The following C18orf32 variants were observed in gnomAD, a reference collection of about 807,000 sequenced individuals.
C18orf32 encodes the protein chromosome 18 open reading frame 32.
C18orf32 carries 5 observed loss-of-function variants against 7.4 expected under a neutral mutation model. That is an observed-to-expected ratio of 0.68 (90% CI 0.35 to 1.42). The LOEUF (loss-of-function observed/expected upper bound fraction) is 1.42, where lower values mean the gene tolerates loss of function less well. Ranked by LOEUF, C18orf32 falls within the 40% of genes most tolerant of loss-of-function variation. The pLI is 0.04. For synonymous variants in C18orf32, 30 were observed against 29.3 expected (o/e 1.02, Z -0.08); for missense variants, 88 against 92.4 (o/e 0.95, Z 0.19).
rs984851061 is a variant in C18orf32 at position 49,482,190 on chromosome 18, G to C, written c.*155C>G. The C allele has an allele frequency of 1.6e-6, 1 of 639,760 alleles. No homozygotes were observed. Among genetic ancestry groups the C allele is most frequent in the African/African-American group, 1.8e-5 (1 of 54,150 alleles). The allele number at this position is 639,760 out of a possible 1,614,324, so 39.6% of individuals were successfully genotyped here. ...ATATAACTAACTACATTTTAAATAC[G>C]GATATCATATATTTCCTGATTAGTA... On this transcript the variant is annotated 3_prime_UTR_variant, in exon 3 of 3. Coordinates refer to ENST00000318240, the MANE Select transcript of C18orf32 (RefSeq NM_001035005.4).
chr18:49,482,322 T>C lies in C18orf32; in HGVS notation c.*23A>G, dbSNP rs889444901. On this transcript the variant is annotated 3_prime_UTR_variant, in exon 3 of 3. Coordinates refer to ENST00000318240, the MANE Select transcript of C18orf32 (RefSeq NM_001035005.4). ...ATTATCAGGTCCATTTTTTAAATGA[T>C]GGGGTCCTTTAGGAAAATTTCTTTA... 6.4e-6 allele frequency: 10 copies of C among 1,567,268 alleles called. No homozygotes were observed. Among genetic ancestry groups the C allele is most frequent in the Middle Eastern group, 1.7e-4 (1 of 6,018 alleles).
At chr18:49,484,136 G>GAAAAAA (rs61290557) in intron 1 of C18orf32, among the ~76,000 whole-genome samples, 112 of 45,564 alleles carry the variant, frequency 2.5e-3, no homozygotes, top group Admixed American at 5.8e-3. Context: ...CTCAAAAAAA[G>GAAAAAA]AAAAAAAAAA....
intron 2 of C18orf32, among the ~76,000 whole-genome samples, chr18:49,482,631 G>A (rs550409180): frequency 5.9e-5 from 9 of 151,754 alleles, no homozygotes; most frequent in Admixed American, 1.3e-4. Context: ...GGAGGCTGAG[G>A]CAGGAGAATC....
At position 49,479,050 on chromosome 18, in the gene C18orf32, TGCTAGTATGAAAACAAC is replaced by T. The variant is rs2083639946; in HGVS notation, c.*3278_*3294del. ...CACCCCTATCCTGCTTTTAAAATGT[TGCTAGTATGAAAACAAC>T]GACTGGGAACCAGTGTTCTAGAGAG... On this transcript the variant is annotated 3_prime_UTR_variant, in exon 3 of 3. Coordinates refer to ENST00000318240, the MANE Select transcript of C18orf32 (RefSeq NM_001035005.4). 1 of 152,152 alleles carries T rather than the reference TGCTAGTATGAAAACAAC, an allele frequency of 6.6e-6. No individual in the cohort carries two copies. The highest frequency in any genetic ancestry group is 2.4e-5 in the African/African-American group (1 of 41,430). 9.4% of individuals were successfully genotyped at this position (152,152 alleles called of 1,614,324 possible).
chr18:49,484,201 C>CACACACACACAT (rs56983810), intron 1 of C18orf32, among the ~76,000 whole-genome samples: 3 of 117,834 alleles, frequency 2.5e-5, no homozygotes, highest in Admixed American at 9.6e-5. Context: ...CACACACACA[C>CACACACACACAT]GAAAGGACTA....
chr18:49,480,360 T>C lies in C18orf32; in HGVS notation c.*1985A>G, dbSNP rs892345232. On this transcript the variant is annotated 3_prime_UTR_variant, in exon 3 of 3. Coordinates refer to ENST00000318240, the MANE Select transcript of C18orf32 (RefSeq NM_001035005.4). ...TATTTTTATATTTTTATAATTTATTTATAAATATGGAGATAAATTTAAAAA... is the reference window on the plus strand; with the variant it reads ...TATTTTTATATTTTTATAATTTATTCATAAATATGGAGATAAATTTAAAAA... 4.0e-5 allele frequency: 6 copies of C among 151,806 alleles called. No individual in the cohort carries two copies. The highest frequency in any genetic ancestry group is 2.1e-4 in the South Asian group (1 of 4,814). The allele number at this position is 151,806 out of a possible 1,614,324, so 9.4% of individuals were successfully genotyped here.
At chr18:49,483,799 AG>A in intron 1 of C18orf32, 28 bp from the exon 2 acceptor site, 1 of 1,579,176 alleles carries the variant, frequency 6.3e-7, no homozygotes, top group Non-Finnish European at 8.5e-7. Flanking sequence ...GAAAAAAATT[AG>A]TTCATCACAG....
Position 49,484,256 on chromosome 18 carries a change from TA to T in C18orf32, c.-23-486del, listed in dbSNP as rs1164450400. On this transcript the variant is annotated intron_variant, in intron 1 of 2. Transcript: ENST00000318240. ...ACTTAAAACATACTATTATATTTGC[TA>T]AAAAAAAAAGACTTTATTAAATAAA... 5.5e-3 allele frequency among the ~76,000 whole-genome samples: 780 copies of T among 142,188 alleles called. 3 individuals are homozygous for T. The highest frequency in any genetic ancestry group is 7.4e-3 in the Non-Finnish European group (479 of 64,880). The allele number at this position is 142,188 out of a possible 152,430, so 93.3% of individuals were successfully genotyped here. A position where few individuals can be genotyped will look rare whatever the true frequency, so the allele number is the denominator to read the frequency against.
In C18orf32 at chr18:49,480,506, C is replaced by T. The variant is rs900313530; in HGVS notation, c.*1839G>A. The T allele has an allele frequency of 2.0e-5, 3 of 151,794 alleles. No homozygotes were observed. Among genetic ancestry groups the T allele is most frequent in the African/African-American group, 7.3e-5 (3 of 41,284 alleles). 9.4% of individuals were successfully genotyped at this position (151,794 alleles called of 1,614,324 possible). On this transcript the variant is annotated 3_prime_UTR_variant, in exon 3 of 3. Coordinates refer to ENST00000318240, the MANE Select transcript of C18orf32 (RefSeq NM_001035005.4). ...GGCCAGGTGCAGTAGTAGCTCATGCCTGTAATCCCAGCACTTTGGGAAGCC... is the reference window on the plus strand; with the variant it reads ...GGCCAGGTGCAGTAGTAGCTCATGCTTGTAATCCCAGCACTTTGGGAAGCC...
At chr18:49,484,745 T>G (rs777993659) in intron 1 of C18orf32, 1 of 152,174 alleles carries the variant, frequency 6.6e-6, no homozygotes, top group Non-Finnish European at 1.5e-5. Flanking sequence ...CATTTAATCC[T>G]CAATCAGTGA....
Position 49,478,367 on chromosome 18 carries a change from G to A in C18orf32, c.*3978C>T, listed in dbSNP as rs759115512. 2 of 150,256 alleles carry A rather than the reference G, an allele frequency of 1.3e-5. No individual in the cohort carries two copies. The highest frequency in any genetic ancestry group is 2.9e-5 in the Non-Finnish European group (2 of 68,164). The allele number at this position is 150,256 out of a possible 1,614,324, so 9.3% of individuals were successfully genotyped here. ...CAACCTCTGCCTCCTGGTTTCAAAC[G>A]ATTCTCATGCCTCAGCCTCTGGAGT... is the stretch of plus-strand genomic sequence containing the variant. On this transcript the variant is annotated 3_prime_UTR_variant, in exon 3 of 3. Coordinates refer to ENST00000318240, the MANE Select transcript of C18orf32 (RefSeq NM_001035005.4).
chr18:49,482,455 G>A (rs984882457), intron 2 of C18orf32, 45 bp from the exon 3 acceptor site: 9 of 1,442,108 alleles, frequency 6.2e-6, no homozygotes, highest in Non-Finnish European at 6.8e-6. Context: ...CAAGCCGGGT[G>A]CGGTGGCTTA....
At position 49,487,045 on chromosome 18, in the gene C18orf32, T is replaced by G. The variant is rs887531860; in HGVS notation, c.-26A>C. ...GCGCGCTCGCGGAAGGAAGGTACCC[T>G]GAGAGCGAAGGCAGGCACCGCGGAG... On this transcript the variant is annotated splice_region_variant and 5_prime_UTR_variant, in exon 1 of 3. Coordinates refer to ENST00000318240, the MANE Select transcript of C18orf32 (RefSeq NM_001035005.4). 1 of 153,252 alleles carries G rather than the reference T, an allele frequency of 6.5e-6. No homozygotes were observed. The highest frequency in any genetic ancestry group is 1.4e-5 in the Non-Finnish European group (1 of 69,200). The allele number at this position is 153,252 out of a possible 1,614,324, so 9.5% of individuals were successfully genotyped here.
intron 1 of C18orf32, chr18:49,484,581 C>T (rs2148810181): frequency 6.6e-6 from 1 of 152,196 alleles, no homozygotes; most frequent in South Asian, 2.1e-4. Flanking sequence ...GAGCAAGACT[C>T]CATCTCAAAA....
intron 1 of C18orf32, 91 bp from the exon 2 acceptor site, chr18:49,483,862 T>C (rs935915348): frequency 1.2e-5 from 18 of 1,458,844 alleles, no homozygotes; most frequent in Non-Finnish European, 1.6e-5. Flanking sequence ...AGGGGATAGA[T>C]GTGGTGGCTC....
chr18:49,482,750 A>G (rs1204870211), intron 2 of C18orf32, among the ~76,000 whole-genome samples: 1 of 150,128 alleles, frequency 6.7e-6, no homozygotes, highest in African/African-American at 2.4e-5. Flanking sequence ...AAAAAAAAAA[A>G]GAAAGAAATT....
chr18:49,482,245 AT>A lies in C18orf32; in HGVS notation c.*99del. ...GTAAATATCTAGACTCCTATCCTGA[AT>A]TCCGGTCTCAGATAAAAAGGTCAGA... On this transcript the variant is annotated 3_prime_UTR_variant, in exon 3 of 3. Transcript: ENST00000318240. 4 of 827,388 alleles carry A rather than the reference AT, an allele frequency of 4.8e-6. 1 individual carries two copies. The highest frequency in any genetic ancestry group is 4.3e-5 in the South Asian group (3 of 70,330). 51.3% of individuals were successfully genotyped at this position (827,388 alleles called of 1,614,324 possible).
intron 1 of C18orf32, among the ~76,000 whole-genome samples, chr18:49,484,331 G>A (rs2083710977): frequency 6.6e-6 from 1 of 152,026 alleles, no homozygotes; most frequent in Non-Finnish European, 1.5e-5. Context: ...AGTGGCTCAT[G>A]GCTGTAATCC....
rs2083672473 is a variant in C18orf32, at chr18:49,482,416, A to G, written c.166-6T>C. 6.2e-7 allele frequency: 1 copy of G among 1,603,482 alleles called. No individual in the cohort carries two copies. The highest frequency in any genetic ancestry group is 1.1e-5 in the South Asian group (1 of 90,122). On this transcript the variant is annotated splice_region_variant and splice_polypyrimidine_tract_variant and intron_variant, in intron 2 of 2. Coordinates refer to ENST00000318240, the MANE Select transcript of C18orf32 (RefSeq NM_001035005.4). Reference sequence around the variant, plus strand: ...AATCCATTCATGTCTGCACCCTAAAATGAAAAAACATTTTAGAAATTATCA... The same window carrying G: ...AATCCATTCATGTCTGCACCCTAAAGTGAAAAAACATTTTAGAAATTATCA...
Sources: gnomAD v4.1 joint callset for allele counts (sites outside exome capture counted in the v4.1 genomes callset) on GRCh38, gnomAD v4.1.1 for gene constraint, MANE v1.5 for transcripts, NCBI Gene and HGNC (gene_info 2026-07-23, HGNC 2026-07-21) for gene names.